PCDHGB7: variants seen among roughly 807,000 people sequenced by gnomAD.
PCDHGB7 encodes protocadherin gamma subfamily B, 7.
PCDHGB7 carries 37 observed loss-of-function variants against 61.4 expected under a neutral mutation model. The observed-to-expected ratio is 0.60, with a 90% CI of 0.46 to 0.79. The LOEUF (loss-of-function observed/expected upper bound fraction) is 0.79, where lower values mean the gene tolerates loss of function less well. PCDHGB7 is among the 30% of genes least tolerant of loss of function. The pLI is 0.00. For synonymous variants in PCDHGB7, 464 were observed against 503.5 expected (o/e 0.92, Z 1.05); for missense variants, 1,166 against 1,202.5 (o/e 0.97, Z 0.45).
rs781346812 is a variant in PCDHGB7, at chr5:141,489,773, T to A, written c.2416-5034T>A. 6.2e-7 allele frequency: 1 copy of A among 1,614,102 alleles called. No individual in the cohort carries two copies. The highest frequency in any genetic ancestry group is 8.5e-7 in the Non-Finnish European group (1 of 1,179,984). ...TACACTCTAAGCCCCAACAGCCACT[T>A]CTCTCTGAATGTGAAGACCCTAAAA... is the stretch of plus-strand genomic sequence containing the variant. On this transcript the variant is annotated intron_variant, in intron 1 of 3. Transcript: ENST00000398594. The surrounding 1 kb of genome is among the most constrained non-coding windows in gnomAD (Gnocchi z 4.5).
chr5:141,462,781 G>A (rs893647456), intron 1 of PCDHGB7, among the ~76,000 whole-genome samples: 7 of 152,102 alleles, frequency 4.6e-5, no homozygotes, highest in African/African-American at 1.7e-4. Context: ...GTCATAATTT[G>A]TTGCTTATTT....
At position 141,418,087 on chromosome 5, in the gene PCDHGB7, C is replaced by G. The variant is rs2096220274; in HGVS notation, c.228C>G (p.Ser76Arg). ...LRVSAEKLHFSVDAQSGDLLV... is the reference protein window; with the variant it reads ...LRVSAEKLHFRVDAQSGDLLV... ...TGAGCGCGGAGAAGCTGCACTTCAG[C>G]GTAGACGCGCAGAGCGGGGACTTAC... Residue 76 changes from serine (S) to arginine (R), a missense_variant, in exon 1 of 4, where the codon AGC becomes AGG. Coordinates refer to ENST00000398594, the MANE Select transcript of PCDHGB7 (RefSeq NM_018927.4). 6.2e-7 allele frequency: 1 copy of G among 1,613,894 alleles called. No individual in the cohort carries two copies. Among genetic ancestry groups the G allele is most frequent in the African/African-American group, 1.3e-5 (1 of 74,936 alleles).
At position 141,477,068 on chromosome 5, in the gene PCDHGB7, C is replaced by A; in HGVS notation, c.2416-17739C>A. 6.2e-7 allele frequency: 1 copy of A among 1,614,268 alleles called. No homozygotes were observed. The highest frequency in any genetic ancestry group is 8.5e-7 in the Non-Finnish European group (1 of 1,180,046). On this transcript the variant is annotated intron_variant, in intron 1 of 3. Transcript: ENST00000398594. This position sits in a 1 kb window ranked among gnomAD's most constrained non-coding sequence, Gnocchi z 4.9. ...GCTGGACTTCGAGGACACCAAACTCCATGAGATTTACATCCAGGCCAAAGA... is the reference window on the plus strand; with the variant it reads ...GCTGGACTTCGAGGACACCAAACTCAATGAGATTTACATCCAGGCCAAAGA...
Position 141,491,405 on chromosome 5 carries a change from A to C in PCDHGB7, c.2416-3402A>C. 6.2e-7 allele frequency: 1 copy of C among 1,614,096 alleles called. No individual in the cohort carries two copies. Among genetic ancestry groups the C allele is most frequent in the Non-Finnish European group, 8.5e-7 (1 of 1,179,998 alleles). On this transcript the variant is annotated intron_variant, in intron 1 of 3. Coordinates refer to ENST00000398594, the MANE Select transcript of PCDHGB7 (RefSeq NM_018927.4). This position sits in a 1 kb window ranked among gnomAD's most constrained non-coding sequence, Gnocchi z 6.9. ...GCGAAGTGCCTTCAGGGAAACGCAG[A>C]CGGGGACGGGGGTGGAGGGCAGTGC... is the stretch of plus-strand genomic sequence containing the variant.
rs749007839 is a variant in PCDHGB7 at position 141,418,069 on chromosome 5, G to A, written c.210G>A (p.Ala70=). Residue 70 remains alanine, a synonymous_variant, in exon 1 of 4, where the codon GCG becomes GCA. Coordinates refer to ENST00000398594, the MANE Select transcript of PCDHGB7 (RefSeq NM_018927.4). ...DVSARELRVS[A]EKLHFSVDAQ... ...CGGCTCGCGAGCTGCGAGTGAGCGC[G>A]GAGAAGCTGCACTTCAGCGTAGACG... 1.7e-5 allele frequency: 28 copies of A among 1,613,926 alleles called. 1 individual carries two copies. The Middle Eastern group carries it at 9.9e-4, about 57-fold the overall frequency.
chr5:141,446,256 T>C lies in PCDHGB7; in HGVS notation c.2415+25982T>C, dbSNP rs535879308. On this transcript the variant is annotated intron_variant, in intron 1 of 3. Transcript: ENST00000398594. Reference sequence around the variant, plus strand: ...CAAGTGGTAGATCTTCAGTGAAATATTATTAACTGAATAAATACAATGGAT... The same window carrying C: ...CAAGTGGTAGATCTTCAGTGAAATACTATTAACTGAATAAATACAATGGAT... Among the ~76,000 whole-genome samples the C allele has an allele frequency of 2.0e-5, 3 of 152,310 alleles. No homozygotes were observed. The East Asian group carries it at 5.8e-4, about 29-fold the overall frequency.
chr5:141,422,678 A>G, intron 1 of PCDHGB7: 1 of 1,606,250 alleles, frequency 6.2e-7, no homozygotes, highest in Non-Finnish European at 8.5e-7. Flanking sequence ...GACAGCAAAC[A>G]GAATGCCCTG....
chr5:141,511,419 G>A lies in PCDHGB7; in HGVS notation c.*246G>A, dbSNP rs1437533706. On this transcript the variant is annotated 3_prime_UTR_variant, in exon 4 of 4. Coordinates refer to ENST00000398594, the MANE Select transcript of PCDHGB7 (RefSeq NM_018927.4). Reference sequence around the variant, plus strand: ...ATCCAATCAACTGCTGTACCCATGGGGGTAGTGGGGTTACTGTAGACACCA... The same window carrying A: ...ATCCAATCAACTGCTGTACCCATGGAGGTAGTGGGGTTACTGTAGACACCA... 1.2e-6 allele frequency: 1 copy of A among 830,454 alleles called. No individual in the cohort carries two copies. The highest frequency in any genetic ancestry group is 1.7e-5 in the African/African-American group (1 of 58,076). 51.4% of individuals were successfully genotyped at this position (830,454 alleles called of 1,614,324 possible).
chr5:141,430,720 T>G, intron 1 of PCDHGB7: 1 of 1,486,390 alleles, frequency 6.7e-7, no homozygotes, highest in East Asian at 2.4e-5. Flanking sequence ...ACTTCAGTGG[T>G]TAAGGGCAGA....
chr5:141,472,159 A>G (rs1020175900), intron 1 of PCDHGB7, among the ~76,000 whole-genome samples: 1 of 152,246 alleles, frequency 6.6e-6, no homozygotes, highest in Non-Finnish European at 1.5e-5. Context: ...TTACATAGCT[A>G]CTAGGTGTAA....
intron 1 of PCDHGB7, chr5:141,424,529 A>G (rs1308118953): frequency 6.6e-6 from 1 of 152,218 alleles, no homozygotes; most frequent in Non-Finnish European, 1.5e-5. Context: ...AAATCCATAT[A>G]TAGAAATAAC....
At chr5:141,484,359 T>A (rs1218120598) in intron 1 of PCDHGB7, among the ~76,000 whole-genome samples, 1 of 152,222 alleles carries the variant, frequency 6.6e-6, no homozygotes, top group Non-Finnish European at 1.5e-5. Context: ...GTGTATCTAG[T>A]GTATCACTAG....
intron 2 of PCDHGB7, among the ~76,000 whole-genome samples, chr5:141,505,007 C>T (rs1210694913): frequency 6.6e-6 from 1 of 152,050 alleles, no homozygotes; most frequent in Non-Finnish European, 1.5e-5. Flanking sequence ...ACTAAAAATA[C>T]AAAAATTAGC....
Position 141,491,687 on chromosome 5 carries a change from G to A in PCDHGB7, c.2416-3120G>A. On this transcript the variant is annotated intron_variant, in intron 1 of 3. Transcript: ENST00000398594. This position sits in a 1 kb window ranked among gnomAD's most constrained non-coding sequence, Gnocchi z 6.9. Reference sequence around the variant, plus strand: ...ATCCGGTCCCGCTCTAATACGCTGCGGGAGCGGAGCCAGGTGAGGGGCTCG... The same window carrying A: ...ATCCGGTCCCGCTCTAATACGCTGCAGGAGCGGAGCCAGGTGAGGGGCTCG... The A allele has an allele frequency of 6.2e-7, 1 of 1,613,072 alleles. No homozygotes were observed. The highest frequency in any genetic ancestry group is 8.5e-7 in the Non-Finnish European group (1 of 1,179,608).
In PCDHGB7 at chr5:141,456,564, A is replaced by G. The variant is rs1174191537; in HGVS notation, c.2415+36290A>G. ...TTGTAGCCACTCGGGGCTGAAGCCC[A>G]CATTTTCCCTGAGCCTGTCAATAAT... On this transcript the variant is annotated intron_variant, in intron 1 of 3. Coordinates refer to ENST00000398594, the MANE Select transcript of PCDHGB7 (RefSeq NM_018927.4). Among the ~76,000 whole-genome samples the G allele has an allele frequency of 2.6e-5, 4 of 152,338 alleles. No individual in the cohort carries two copies. The South Asian group carries it at 6.2e-4, about 24-fold the overall frequency.
At chr5:141,440,579 C>G (rs1004258822) in intron 1 of PCDHGB7, 12 of 152,188 alleles carry the variant, frequency 7.9e-5, no homozygotes, top group African/African-American at 2.7e-4. Flanking sequence ...TGAGTTTACC[C>G]AGCTGGAACA....
intron 1 of PCDHGB7, chr5:141,427,778 A>T: frequency 1.4e-6 from 2 of 1,436,676 alleles, no homozygotes; most frequent in Non-Finnish European, 1.9e-6. Context: ...AGCTGCGGGC[A>T]CTGTCGTCCT....
rs1460626002 is a variant in PCDHGB7, at chr5:141,486,935, C to A, written c.2416-7872C>A. ...ACTGCCTCCATCAGTTGGTGCTGGC[C>A]ACCTAATCACAAAGGTGACTGCTGT... On this transcript the variant is annotated intron_variant, in intron 1 of 3. Transcript: ENST00000398594. This position sits in a 1 kb window ranked among gnomAD's most constrained non-coding sequence, Gnocchi z 5.0. 5 of 1,614,228 alleles carry A rather than the reference C, an allele frequency of 3.1e-6. No individual in the cohort carries two copies. The highest frequency in any genetic ancestry group is 4.2e-6 in the Non-Finnish European group (5 of 1,180,038).
At chr5:141,438,914 C>T (rs1249997741) in intron 1 of PCDHGB7, among the ~76,000 whole-genome samples, 1 of 151,906 alleles carries the variant, frequency 6.6e-6, no homozygotes, top group Non-Finnish European at 1.5e-5. Flanking sequence ...GATCCACCTG[C>T]CTTGGCCTCC....
Sources: gnomAD v4.1 joint callset for allele counts (sites outside exome capture counted in the v4.1 genomes callset) on GRCh38, gnomAD v4.1.1 for gene constraint, Gnocchi (gnomAD v3.1) non-coding constraint, MANE v1.5 for transcripts, NCBI Gene and HGNC (gene_info 2026-07-23, HGNC 2026-07-21) for gene names.